The following NUP58 variants were observed in gnomAD, a reference collection of about 807,000 sequenced individuals.
NUP58 encodes the protein nucleoporin 58.
In NUP58, 17 loss-of-function variants were observed where a neutral mutation model predicts 70.1. That is an observed-to-expected ratio of 0.24 (90% CI 0.17 to 0.36). The LOEUF (loss-of-function observed/expected upper bound fraction) is 0.36, where lower values mean the gene tolerates loss of function less well. Among genes scored for constraint, NUP58 ranks in the 10% least tolerant of loss-of-function variants. NUP58 has a pLI of 1.00. For missense variants in NUP58, 644 were observed against 701.5 expected, an observed-to-expected ratio of 0.92 and a Z score of 0.93; for synonymous variants, 275 against 257.6, an observed-to-expected ratio of 1.07 and a Z score of -0.65.
At chr13:25,323,962 A>G (rs9511755) in intron 9 of NUP58, among the ~76,000 whole-genome samples, 125,410 of 152,158 alleles carry the variant, frequency 0.82, 56,688 homozygotes, top group Non-Finnish European at 1. Flanking sequence ...GGGCATTTTT[A>G]TCATCTGTCC....
Position 25,321,234 on chromosome 13 carries a change from A to T in NUP58, c.951+141A>T, listed in dbSNP as rs1296156140. The T allele has an allele frequency of 7.6e-6, 5 of 660,206 alleles. No individual in the cohort carries two copies. The African/African-American group carries it at 9.6e-5, about 13-fold the overall frequency. The allele number at this position is 660,206 out of a possible 1,614,324, so 40.9% of individuals were successfully genotyped here. A position where few individuals can be genotyped will look rare whatever the true frequency, so the allele number is the denominator to read the frequency against. Reference sequence around the variant, plus strand: ...CGGTAGAAAACCAGATAACTCATATACTTTAATAATGAGTTTTTATTAAGC... The same window carrying T: ...CGGTAGAAAACCAGATAACTCATATTCTTTAATAATGAGTTTTTATTAAGC... On this transcript the variant is annotated intron_variant, in intron 9 of 15. Coordinates refer to ENST00000381736, the MANE Select transcript of NUP58 (RefSeq NM_014089.4).
At chr13:25,343,595 A>G (rs1370475087), downstream of NUP58, among the ~76,000 whole-genome samples, 2 of 151,042 alleles carry the variant, frequency 1.3e-5, no homozygotes, top group Non-Finnish European at 2.9e-5. Flanking sequence ...GATTGCAGGC[A>G]TGATTACGCC....
rs1593175445 is a variant in NUP58, at chr13:25,308,016, ATC to A, written c.250+74_250+75del. The A allele has an allele frequency of 3.2e-6, 5 of 1,563,748 alleles. No individual in the cohort carries two copies. In the East Asian group the frequency reaches 6.7e-5, roughly 21 times the overall value. ...TATTCTTTCCTAAATTGTGTCCTGT[ATC>A]TCTCTTTACAAGGATCATCACTGGT... is the stretch of plus-strand genomic sequence containing the variant. On this transcript the variant is annotated intron_variant, in intron 2 of 15. Coordinates refer to ENST00000381736, the MANE Select transcript of NUP58 (RefSeq NM_014089.4).
chr13:25,332,915 A>G (rs756277676), intron 13 of NUP58: 2 of 985,194 alleles, frequency 2.0e-6, no homozygotes, highest in Non-Finnish European at 1.2e-6. Context: ...CAGTTAATCA[A>G]ACCAACCATA....
At chr13:25,313,831 G>C in intron 5 of NUP58, 80 bp downstream of exon 5, 1 of 1,195,688 alleles carries the variant, frequency 8.4e-7, no homozygotes, top group Non-Finnish European at 1.1e-6. Flanking sequence ...ACTTTGAGCA[G>C]GTCACTTTTT....
At chr13:25,326,700 C>T (rs7990216) in intron 10 of NUP58, among the ~76,000 whole-genome samples, 104,573 of 152,026 alleles carry the variant, frequency 0.69, 41,864 homozygotes, top group Non-Finnish European at 0.91. Flanking sequence ...AGTTTTTCCA[C>T]TAGTGTACTT....
intron 13 of NUP58, chr13:25,334,648 T>TA: frequency 1.0e-6 from 1 of 980,774 alleles, no homozygotes; most frequent in Non-Finnish European, 1.2e-6. Context: ...GACTTAGAAA[T>TA]AACCATACTA....
At chr13:25,346,642 C>T (rs1270245614), downstream of NUP58, among the ~76,000 whole-genome samples, 2 of 151,768 alleles carry the variant, frequency 1.3e-5, no homozygotes, top group African/African-American at 4.8e-5. Context: ...ATCGCTTGAA[C>T]CCAGGAGGCG....
intron 10 of NUP58, among the ~76,000 whole-genome samples, chr13:25,326,675 T>TA (rs1281692768): frequency 1.3e-5 from 2 of 152,278 alleles, no homozygotes; most frequent in South Asian, 2.1e-4. Context: ...CTACTAAACT[T>TA]ACTGAAATTC....
intron 13 of NUP58, chr13:25,332,158 C>A: frequency 1.0e-6 from 1 of 986,272 alleles, no homozygotes; most frequent in East Asian, 1.1e-4. Flanking sequence ...GTGAACAGAA[C>A]AGCAAGAGCA....
At chr13:25,320,339 A>T (rs553501166) in intron 7 of NUP58, 191 bp from the exon 8 acceptor site, 2 of 447,026 alleles carry the variant, frequency 4.5e-6, no homozygotes, top group Non-Finnish European at 7.8e-6. Context: ...TGAATTGTTA[A>T]AATTATTTTA....
intron 13 of NUP58, chr13:25,335,841 C>T: frequency 5.0e-6 from 5 of 1,009,638 alleles, no homozygotes; most frequent in Non-Finnish European, 5.9e-6. Context: ...ACAGTTCCCT[C>T]ATCTTTGAGA....
chr13:25,339,687 A>G (rs866357228), intron 15 of NUP58, among the ~76,000 whole-genome samples: 3 of 152,194 alleles, frequency 2.0e-5, no homozygotes, highest in Admixed American at 6.5e-5. Context: ...ATTAACAGGA[A>G]AGTTTCTGGC....
At position 25,327,337 on chromosome 13, in the gene NUP58, A is replaced by G. The variant is rs1039594025; in HGVS notation, c.1151-93A>G. ...TAGAGTTTTTTTCTCCTACACGTTA[A>G]CTGTGCCAAAAATTGGACTCAAATA... On this transcript the variant is annotated intron_variant, in intron 11 of 15. Transcript: ENST00000381736. 1.3e-5 allele frequency: 10 copies of G among 755,444 alleles called. No individual in the cohort carries two copies. The African/African-American group carries it at 1.4e-4, about 11-fold the overall frequency. The allele number at this position is 755,444 out of a possible 1,614,324, so 46.8% of individuals were successfully genotyped here.
At chr13:25,335,897 T>C in intron 13 of NUP58, 1 of 1,102,048 alleles carries the variant, frequency 9.1e-7, no homozygotes, top group South Asian at 2.2e-5. Flanking sequence ...AAGATTGTAC[T>C]ATGAAGTTTA....
rs1051831298 is a variant in NUP58 at position 25,320,556 on chromosome 13, A to G, written c.737A>G (p.Asn246Ser). 5.6e-6 allele frequency: 9 copies of G among 1,610,908 alleles called. No individual in the cohort carries two copies. Among genetic ancestry groups the G allele is most frequent in the African/African-American group, 4.0e-5 (3 of 74,794 alleles). ...GATAGTAAAGCTCTGAAGGATGAAA[A>G]TCTACCTCCTGTCATCTGCCAGGAT... ...PEDSKALKDE[N>S]LPPVICQDVE... The change falls in exon 8 of 16, where the codon AAT (asparagine) becomes AGT (serine). Residue 246 changes from asparagine to serine, a missense_variant. Coordinates refer to ENST00000381736, the MANE Select transcript of NUP58 (RefSeq NM_014089.4).
In NUP58 at chr13:25,301,699, C is replaced by G. The variant is rs2030000625; in HGVS notation, c.-75C>G. 3.9e-6 allele frequency: 3 copies of G among 762,668 alleles called. No individual in the cohort carries two copies. The East Asian group carries it at 1.0e-4, about 25-fold the overall frequency. The allele number at this position is 762,668 out of a possible 1,614,324, so 47.2% of individuals were successfully genotyped here. ...CCGGGCGAGAGAGATGCTGCCCGGC[C>G]CGCCTCGGCTTTGAGGCGAGAGAAG... is the stretch of plus-strand genomic sequence containing the variant. On this transcript the variant is annotated 5_prime_UTR_variant, in exon 1 of 16. Coordinates refer to ENST00000381736, the MANE Select transcript of NUP58 (RefSeq NM_014089.4).
intron 5 of NUP58, among the ~76,000 whole-genome samples, chr13:25,314,064 G>A (rs1436748920): frequency 6.6e-6 from 1 of 152,068 alleles, no homozygotes; most frequent in Non-Finnish European, 1.5e-5. Flanking sequence ...CTGAGTAGCT[G>A]GGATTACAGG....
intron 9 of NUP58, among the ~76,000 whole-genome samples, 186 bp downstream of exon 9, chr13:25,321,279 G>GA (rs2031174878): frequency 6.6e-6 from 1 of 152,158 alleles, no homozygotes; most frequent in Non-Finnish European, 1.5e-5. Context: ...ATACAAGACA[G>GA]TATCCTAAGC....
Sources: gnomAD v4.1 joint callset for allele counts (sites outside exome capture counted in the v4.1 genomes callset) on GRCh38, gnomAD v4.1.1 for gene constraint, MANE v1.5 for transcripts, NCBI Gene and HGNC (gene_info 2026-07-23, HGNC 2026-07-21) for gene names.